Variants in ZBED4 observed in about 807,000 individuals in gnomAD.
ZBED4 encodes zinc finger BED-type containing 4.
In ZBED4, 4 loss-of-function variants were observed where a neutral mutation model predicts 15.5. The observed-to-expected ratio is 0.26, with a 90% CI of 0.13 to 0.59. The LOEUF is 0.59. Among genes scored for constraint, ZBED4 ranks in the 20% least tolerant of loss-of-function variants. The pLI is 0.90. For missense variants in ZBED4, 1,323 were observed against 1,461.8 expected (o/e 0.91, Z 1.55); for synonymous variants, 692 against 608.5 (o/e 1.14, Z -2.02).
intron 1 of ZBED4, among the ~76,000 whole-genome samples, chr22:49,869,310 C>A (rs888901819): frequency 9.9e-5 from 15 of 152,132 alleles, no homozygotes; most frequent in African/African-American, 3.6e-4. Flanking sequence ...GGCAGAGGCA[C>A]CCGTAACAGT....
intron 1 of ZBED4, among the ~76,000 whole-genome samples, chr22:49,875,892 A>G (rs9616361): frequency 0.057 from 8,660 of 150,752 alleles, 301 homozygotes; most frequent in South Asian, 0.093. Flanking sequence ...GAAGCTTATC[A>G]ATTTTATTGC....
chr22:49,870,216 C>T (rs1205021628), intron 1 of ZBED4, among the ~76,000 whole-genome samples: 1 of 152,186 alleles, frequency 6.6e-6, no homozygotes, highest in East Asian at 1.9e-4. Flanking sequence ...TTTCCTTATC[C>T]AGTCCACCAT....
chr22:49,856,805 G>C lies in ZBED4; in HGVS notation c.-330+2816G>C, dbSNP rs1389721013. Among the ~76,000 whole-genome samples the C allele has an allele frequency of 2.4e-4, 34 of 144,284 alleles. 3 individuals are homozygous for C. The highest frequency in any genetic ancestry group is 1.5e-4 in the Non-Finnish European group (10 of 65,500). The allele number at this position is 144,284 out of a possible 152,430, so 94.7% of individuals were successfully genotyped here. ...GGCCGGCTTCCCACCCCTCGTTCTA[G>C]GTGAAGGCCGCGCTGGAATCCCGGC... On this transcript the variant is annotated intron_variant, in intron 1 of 1. Coordinates refer to ENST00000216268, the MANE Select transcript of ZBED4 (RefSeq NM_014838.3).
rs55748279 is a variant in ZBED4 at position 49,883,875 on chromosome 22, G to A, written c.213G>A (p.Pro71=). The change falls in exon 2 of 2, where the codon CCG becomes CCA. Residue 71 remains proline (P), a synonymous_variant. Transcript: ENST00000216268. ...LGGTGCSCKP[P]GKYLSAESED... is the part of the protein sequence containing the mutation. ...GGACGGGTTGCAGCTGCAAGCCCCC[G>A]GGGAAGTACTTGTCTGCAGAGAGTG... The A allele has an allele frequency of 2.4e-5, 39 of 1,606,464 alleles. No homozygotes were observed. Among genetic ancestry groups the A allele is most frequent in the South Asian group, 7.7e-5 (7 of 90,890 alleles).
chr22:49,855,696 G>C lies in ZBED4; in HGVS notation c.-330+1707G>C, dbSNP rs896881559. 1.3e-5 allele frequency among the ~76,000 whole-genome samples: 2 copies of C among 152,114 alleles called. 1 individual carries two copies. The highest frequency in any genetic ancestry group is 2.9e-5 in the Non-Finnish European group (2 of 68,010). ...AGTGCCGTCCTTCACTTTGTTTTGC[G>C]TTTTTTTCTTTGCCTGGCTTTAGCT... On this transcript the variant is annotated intron_variant, in intron 1 of 1. Transcript: ENST00000216268.
At chr22:49,861,105 C>T (rs906054543) in intron 1 of ZBED4, among the ~76,000 whole-genome samples, 2 of 152,158 alleles carry the variant, frequency 1.3e-5, no homozygotes, top group African/African-American at 4.8e-5. Context: ...CTGCTACGTC[C>T]TGTAAAAGTA....
At chr22:49,855,835 A>C (rs1330672763) in intron 1 of ZBED4, among the ~76,000 whole-genome samples, 1 of 152,138 alleles carries the variant, frequency 6.6e-6, no homozygotes, top group Non-Finnish European at 1.5e-5. Context: ...GCCCTTCCTT[A>C]CCAACGTTGT....
At position 49,884,988 on chromosome 22, in the gene ZBED4, A is replaced by G; in HGVS notation, c.1326A>G (p.Glu442=). The change falls in exon 2 of 2, where the codon GAA becomes GAG. Residue 442 remains glutamate (E), a synonymous_variant. Coordinates refer to ENST00000216268, the MANE Select transcript of ZBED4 (RefSeq NM_014838.3). ...ATGGGCTGAGTCCTAGATTGTTTGA[A>G]TCTGGCGCCATCTTCCAGCAGAATA... The part of the protein sequence containing the change: ...QADGLSPRLF[E]SGAIFQQNKK... 1 of 1,613,574 alleles carries G rather than the reference A, an allele frequency of 6.2e-7. No individual in the cohort carries two copies. Among genetic ancestry groups the G allele is most frequent in the Non-Finnish European group, 8.5e-7 (1 of 1,179,698 alleles).
intron 1 of ZBED4, among the ~76,000 whole-genome samples, chr22:49,863,676 T>C (rs1480788534): frequency 2.0e-5 from 3 of 152,050 alleles, no homozygotes; most frequent in Middle Eastern, 3.2e-3. Context: ...TGCTTCTTTA[T>C]GTAGTAGATG....
chr22:49,879,525 C>T (rs932635722), intron 1 of ZBED4, among the ~76,000 whole-genome samples: 16 of 151,374 alleles, frequency 1.1e-4, no homozygotes, highest in South Asian at 4.2e-4. Context: ...TGTCCTTGTC[C>T]ACTAATTTTA....
rs772633297 is a variant in ZBED4 at position 49,887,402 on chromosome 22, C to T, written c.*224C>T. The T allele has an allele frequency of 3.8e-5, 17 of 445,470 alleles. No individual in the cohort carries two copies. The highest frequency in any genetic ancestry group is 3.3e-5 in the Non-Finnish European group (8 of 242,230). The allele number at this position is 445,470 out of a possible 1,614,324, so 27.6% of individuals were successfully genotyped here. A position where few individuals can be genotyped will look rare whatever the true frequency, so the allele number is the denominator to read the frequency against. ...AGACGTCCACTAGAAATAGCTTGTC[C>T]TGTCAACTATGAAATATGGTGACTA... On this transcript the variant is annotated 3_prime_UTR_variant, in exon 2 of 2. Coordinates refer to ENST00000216268, the MANE Select transcript of ZBED4 (RefSeq NM_014838.3).
chr22:49,869,161 G>C (rs944424250), intron 1 of ZBED4, among the ~76,000 whole-genome samples: 1 of 151,988 alleles, frequency 6.6e-6, no homozygotes, highest in Non-Finnish European at 1.5e-5. Context: ...TGTGGAAAGG[G>C]GGATGCTCGG....
intron 1 of ZBED4, among the ~76,000 whole-genome samples, chr22:49,876,442 G>C (rs1034343340): frequency 1.3e-5 from 2 of 152,180 alleles, no homozygotes; most frequent in African/African-American, 2.4e-5. Context: ...TCGTGGTTTT[G>C]AAGGTCTCTT....
At chr22:49,854,479 A>T (rs1411260239) in intron 1 of ZBED4, among the ~76,000 whole-genome samples, 1 of 152,190 alleles carries the variant, frequency 6.6e-6, no homozygotes, top group Non-Finnish European at 1.5e-5. Flanking sequence ...ACGCGCCCCG[A>T]GGCAGGTTAT....
Position 49,884,438 on chromosome 22 carries a change from C to A in ZBED4, c.776C>A (p.Pro259His), listed in dbSNP as rs1281026618. The change falls in exon 2 of 2, where the codon CCT becomes CAT. Residue 259 changes from proline to histidine, a missense_variant. By Grantham distance (77) the Pro-to-His change is moderately conservative (BLOSUM62 -2). This residue lies in a region of ZBED4 where 380 missense variants were observed against 413.7 expected (regional missense o/e 0.92). Transcript: ENST00000216268. ...EALVGSSPHL[P>H]ALHYDEPAEN... Reference sequence around the variant, plus strand: ...CTGGTGGGGTCGTCTCCCCACCTCCCTGCTCTCCATTACGATGAACCTGCA... The same window carrying A: ...CTGGTGGGGTCGTCTCCCCACCTCCATGCTCTCCATTACGATGAACCTGCA... The A allele has an allele frequency of 6.2e-7, 1 of 1,614,204 alleles. No individual in the cohort carries two copies. Among genetic ancestry groups the A allele is most frequent in the Admixed American group, 1.7e-5 (1 of 60,026 alleles).
chr22:49,871,779 G>A (rs2060349489), intron 1 of ZBED4, among the ~76,000 whole-genome samples: 1 of 146,728 alleles, frequency 6.8e-6, no homozygotes, highest in African/African-American at 2.5e-5. Context: ...TTTTGAGACA[G>A]AGTCTTACTC....
chr22:49,854,240 T>C (rs1055315296), intron 1 of ZBED4, among the ~76,000 whole-genome samples: 1 of 146,790 alleles, frequency 6.8e-6, no homozygotes, highest in Non-Finnish European at 1.5e-5. Context: ...GTGCCGGGGG[T>C]CGGCGCCCGG....
At chr22:49,862,121 T>C (rs2060299825) in intron 1 of ZBED4, among the ~76,000 whole-genome samples, 1 of 152,234 alleles carries the variant, frequency 6.6e-6, no homozygotes, top group Non-Finnish European at 1.5e-5. Context: ...TGTGCTTTAC[T>C]GAATTGGATG....
chr22:49,880,328 A>G (rs1474200121), intron 1 of ZBED4, among the ~76,000 whole-genome samples: 1 of 152,068 alleles, frequency 6.6e-6, no homozygotes, highest in Non-Finnish European at 1.5e-5. Context: ...GTTTCCTCAA[A>G]TGCAGATGCA....
Sources: gnomAD v4.1 joint callset for allele counts (sites outside exome capture counted in the v4.1 genomes callset) on GRCh38, gnomAD v4.1.1 for gene constraint, gnomAD v4.1.1 regional missense constraint, MANE v1.5 for transcripts, NCBI Gene and HGNC (gene_info 2026-07-23, HGNC 2026-07-21) for gene names.